Variants in DKK2 observed in about 807,000 individuals in gnomAD.
The protein encoded by DKK2 is dickkopf-related protein 2.
In DKK2, 11 loss-of-function variants were observed where a neutral mutation model predicts 28.1. That is an observed-to-expected ratio of 0.39 (90% confidence interval 0.25 to 0.65). The LOEUF is 0.65. Among genes scored for constraint, DKK2 ranks in the 30% least tolerant of loss-of-function variants. The probability of loss-of-function intolerance (pLI) is 0.47; values close to 1 mark genes in which losing one functional copy is unlikely to be tolerated. For missense variants in DKK2, 326 were observed against 335.5 expected, an observed-to-expected ratio of 0.97 and a Z score of 0.22; for synonymous variants, 135 against 126.5, an observed-to-expected ratio of 1.07 and a Z score of -0.45.
intron 1 of DKK2, among the ~76,000 whole-genome samples, chr4:106,967,996 G>T (rs970044377): frequency 4.0e-5 from 6 of 150,490 alleles, no homozygotes; most frequent in African/African-American, 1.5e-4. Flanking sequence ...AAGGTAGTAA[G>T]AGAGGAGATG....
chr4:106,984,549 G>T (rs1204003999), intron 1 of DKK2, among the ~76,000 whole-genome samples: 3 of 152,104 alleles, frequency 2.0e-5, no homozygotes, highest in Admixed American at 1.3e-4. Flanking sequence ...ATCTTATATT[G>T]TATGTATATA....
At chr4:106,956,972 A>G (rs1279674145) in intron 1 of DKK2, among the ~76,000 whole-genome samples, 3 of 151,780 alleles carry the variant, frequency 2.0e-5, no homozygotes, top group Non-Finnish European at 2.9e-5. Flanking sequence ...GGCAACCTAC[A>G]AAATGGGAGA....
intron 1 of DKK2, among the ~76,000 whole-genome samples, chr4:106,974,721 A>T (rs1006571322): frequency 3.3e-5 from 5 of 152,152 alleles, no homozygotes; most frequent in African/African-American, 1.2e-4. Flanking sequence ...TTCCTATTTG[A>T]ATACGTTTTA....
chr4:106,977,163 C>T (rs1222813778), intron 1 of DKK2, among the ~76,000 whole-genome samples: 3 of 152,146 alleles, frequency 2.0e-5, no homozygotes, highest in South Asian at 4.1e-4. Context: ...TCTCTAGCTG[C>T]CCTTAACATT....
intron 1 of DKK2, among the ~76,000 whole-genome samples, chr4:106,938,655 C>CA (rs1560575798): frequency 1.3e-5 from 2 of 151,928 alleles, no homozygotes; most frequent in East Asian, 1.9e-4. Flanking sequence ...AGAGACACAA[C>CA]AAAAAAATAG....
At chr4:107,018,291 G>T (rs562798592) in intron 1 of DKK2, among the ~76,000 whole-genome samples, 1 of 152,014 alleles carries the variant, frequency 6.6e-6, no homozygotes, top group Non-Finnish European at 1.5e-5. Flanking sequence ...GTGTCAGACC[G>T]GCCCAGCTGT....
chr4:107,030,148 T>A (rs1279054277), intron 1 of DKK2, among the ~76,000 whole-genome samples: 1 of 152,048 alleles, frequency 6.6e-6, no homozygotes, highest in Non-Finnish European at 1.5e-5. Flanking sequence ...TGCTTTAAAG[T>A]TTTCTTTGAT....
intron 1 of DKK2, among the ~76,000 whole-genome samples, chr4:107,016,490 C>G (rs987158900): frequency 6.6e-6 from 1 of 151,914 alleles, no homozygotes; most frequent in Non-Finnish European, 1.5e-5. Flanking sequence ...TTGCATAAAT[C>G]TATTTTCTTA....
At chr4:107,021,799 A>G (rs76965464) in intron 1 of DKK2, among the ~76,000 whole-genome samples, 2,157 of 151,926 alleles carry the variant, frequency 0.014, 47 homozygotes, top group African/African-American at 0.047. Context: ...TTGGGGGGAA[A>G]AACAGACATC....
intron 1 of DKK2, among the ~76,000 whole-genome samples, chr4:106,950,914 C>T (rs1384551552): frequency 6.6e-6 from 1 of 152,094 alleles, no homozygotes; most frequent in Non-Finnish European, 1.5e-5. Context: ...CTCCTTTGTG[C>T]TTCCTCCCAT....
At chr4:107,009,405 C>T (rs1036144103) in intron 1 of DKK2, among the ~76,000 whole-genome samples, 1 of 151,814 alleles carries the variant, frequency 6.6e-6, no homozygotes, top group Non-Finnish European at 1.5e-5. Context: ...TTGGCACAGC[C>T]GAGTGAGCTT....
In DKK2 at chr4:106,925,880, A is replaced by G. The variant is rs769686573; in HGVS notation, c.292T>C (p.Ser98Pro). Reference protein sequence around the residue: ...RYCHSPHQGSSACMVCRRKKK... With the variant: ...RYCHSPHQGSPACMVCRRKKK... ...TTTCTCCGACACACCATGCAGGCCG[A>G]TGATCCTTGGTGGGGACTGTGGCAA... The change falls in exon 2 of 4, where the codon TCG (serine) becomes CCG (proline). Residue 98 changes from serine to proline, a missense_variant. Coordinates refer to ENST00000285311, the MANE Select transcript of DKK2 (RefSeq NM_014421.3). 9 of 1,613,772 alleles carry G rather than the reference A, an allele frequency of 5.6e-6. No individual in the cohort carries two copies. The South Asian group carries it at 9.9e-5, about 18-fold the overall frequency.
At chr4:107,028,302 G>C (rs980360020) in intron 1 of DKK2, among the ~76,000 whole-genome samples, 5 of 152,044 alleles carry the variant, frequency 3.3e-5, no homozygotes, top group African/African-American at 1.2e-4. Context: ...TACATCATAT[G>C]CATTAGTTTA....
intron 1 of DKK2, among the ~76,000 whole-genome samples, chr4:107,000,093 A>G (rs1230685277): frequency 6.6e-6 from 1 of 152,234 alleles, no homozygotes; most frequent in Non-Finnish European, 1.5e-5. Flanking sequence ...AATGTTTAAA[A>G]GAATGTATCA....
At chr4:106,982,083 T>A (rs1723034556) in intron 1 of DKK2, among the ~76,000 whole-genome samples, 1 of 152,116 alleles carries the variant, frequency 6.6e-6, no homozygotes, top group Non-Finnish European at 1.5e-5. Flanking sequence ...GAACAAATAT[T>A]TTAAGATTTG....
intron 1 of DKK2, among the ~76,000 whole-genome samples, chr4:106,967,887 A>G (rs577475125): frequency 2.4e-4 from 36 of 151,456 alleles, no homozygotes; most frequent in Admixed American, 2.1e-3. Context: ...AAGGAGAAGA[A>G]GGAAGGGAGG....
intron 1 of DKK2, among the ~76,000 whole-genome samples, chr4:106,944,002 G>C (rs1268497192): frequency 6.6e-6 from 1 of 151,954 alleles, no homozygotes; most frequent in Non-Finnish European, 1.5e-5. Flanking sequence ...CTTGTTGGTG[G>C]ATCATATCTG....
At chr4:106,943,606 G>T (rs1054596856) in intron 1 of DKK2, among the ~76,000 whole-genome samples, 2 of 152,004 alleles carry the variant, frequency 1.3e-5, no homozygotes, top group Non-Finnish European at 2.9e-5. Flanking sequence ...AAGAACATTG[G>T]CTAGTGAGTA....
intron 1 of DKK2, among the ~76,000 whole-genome samples, chr4:106,962,491 ATGTG>A (rs59831895): frequency 0.068 from 8,006 of 117,000 alleles, 266 homozygotes; most frequent in Middle Eastern, 0.12. Flanking sequence ...CAGAAAAACT[ATGTG>A]TGTGTGTGTG....
Sources: gnomAD v4.1 joint callset for allele counts (sites outside exome capture counted in the v4.1 genomes callset) on GRCh38, gnomAD v4.1.1 for gene constraint, MANE v1.5 for transcripts, NCBI Gene and HGNC (gene_info 2026-07-23, HGNC 2026-07-21) for gene names.